Variants in TBC1D9 observed in about 807,000 individuals in gnomAD.
TBC1D9 encodes TBC1 domain family member 9, also known as TBC1 domain family member 9A.
Under a neutral mutation model 132.0 loss-of-function variants are expected in TBC1D9, and 63 were observed. The ratio of observed to expected loss-of-function variants is 0.48; its 90% CI spans 0.39 to 0.59. The LOEUF (loss-of-function observed/expected upper bound fraction) is 0.59. TBC1D9 is among the 20% of genes least tolerant of loss of function. TBC1D9 has a pLI of 0.00. For missense variants in TBC1D9, 1,261 were observed against 1,592.7 expected (o/e 0.79, Z 3.54); for synonymous variants, 610 against 609.9 (o/e 1.00, Z 0.00).
chr4:140,626,433 C>G (rs1020066562), intron 18 of TBC1D9, among the ~76,000 whole-genome samples: 1 of 152,188 alleles, frequency 6.6e-6, no homozygotes, highest in Non-Finnish European at 1.5e-5. Flanking sequence ...CTGGCTCACT[C>G]TCTCTACAGA....
intron 15 of TBC1D9, among the ~76,000 whole-genome samples, chr4:140,635,119 A>G (rs550689740): frequency 6.6e-6 from 1 of 152,322 alleles, no homozygotes; most frequent in East Asian, 1.9e-4. Context: ...CTTCGTTTTT[A>G]CTTTTTCCAT....
intron 2 of TBC1D9, among the ~76,000 whole-genome samples, chr4:140,687,378 ATATATATATAT>A (rs1215013545): frequency 1.4e-5 from 1 of 70,306 alleles, no homozygotes; most frequent in Admixed American, 1.2e-4. Flanking sequence ...ATATATATAT[ATATATATATAT>A]ATATATAAAC....
intron 1 of TBC1D9, among the ~76,000 whole-genome samples, chr4:140,748,717 A>T (rs1193282914): frequency 6.6e-6 from 1 of 152,218 alleles, no homozygotes; most frequent in African/African-American, 2.4e-5. Context: ...ATATCCTTCA[A>T]GAAAGAAAGC....
chr4:140,729,592 G>A (rs1309828663), intron 1 of TBC1D9, among the ~76,000 whole-genome samples: 2 of 152,028 alleles, frequency 1.3e-5, no homozygotes, highest in African/African-American at 4.8e-5. Flanking sequence ...GGGTAAGGCA[G>A]AAGGAGCATG....
At chr4:140,688,915 T>C (rs1180457362) in intron 2 of TBC1D9, among the ~76,000 whole-genome samples, 1 of 152,138 alleles carries the variant, frequency 6.6e-6, no homozygotes, top group Non-Finnish European at 1.5e-5. Context: ...TACAGAGCCC[T>C]TCCTTGTCTG....
Position 140,639,448 on chromosome 4 carries a change from G to T in TBC1D9, c.2338-20C>A. ...GAATTTCTGTAAAGGAGCAATATTG[G>T]TGTCTCTGAAAAAATCTCTTACAGC... is the stretch of plus-strand genomic sequence containing the variant. On this transcript the variant is annotated intron_variant, in intron 13 of 20. Coordinates refer to ENST00000442267, the MANE Select transcript of TBC1D9 (RefSeq NM_015130.3). 1 of 1,564,318 alleles carries T rather than the reference G, an allele frequency of 6.4e-7. No individual in the cohort carries two copies. The highest frequency in any genetic ancestry group is 8.8e-7 in the Non-Finnish European group (1 of 1,142,254).
At chr4:140,716,455 A>T (rs1738335689) in intron 1 of TBC1D9, among the ~76,000 whole-genome samples, 1 of 152,002 alleles carries the variant, frequency 6.6e-6, no homozygotes, top group African/African-American at 2.4e-5. Context: ...GTGCCCCTGT[A>T]CTCCAGCCTG....
chr4:140,701,473 A>G, intron 2 of TBC1D9, 31 bp downstream of exon 2: 1 of 1,564,950 alleles, frequency 6.4e-7, no homozygotes, highest in Non-Finnish European at 8.8e-7. Context: ...CTTCTTTTAA[A>G]ACTTGTGTAT....
In TBC1D9 at chr4:140,686,452, C is replaced by G; in HGVS notation, c.252G>C (p.Arg84Ser). 6.3e-7 allele frequency: 1 copy of G among 1,583,172 alleles called. No homozygotes were observed. The highest frequency in any genetic ancestry group is 8.7e-7 in the Non-Finnish European group (1 of 1,153,756). Residue 84 changes from arginine (R) to serine (S), a missense_variant, in exon 3 of 21, where the codon AGG (arginine) becomes AGC (serine). By Grantham distance (110) the Arg-to-Ser change is moderately radical. This residue lies in a region of TBC1D9 where 550 missense variants were observed against 699.0 expected (regional missense o/e 0.79). Coordinates refer to ENST00000442267, the MANE Select transcript of TBC1D9 (RefSeq NM_015130.3). The part of the protein sequence containing the change: ...VYWTIACGGS[R>S]KEITEHWEWL... Reference sequence around the variant, plus strand: ...ATTCCCAGTGTTCAGTGATTTCTTTCCTGGAACCACCTGTACAAATGAAAA... The same window carrying G: ...ATTCCCAGTGTTCAGTGATTTCTTTGCTGGAACCACCTGTACAAATGAAAA...
intron 1 of TBC1D9, among the ~76,000 whole-genome samples, chr4:140,711,971 T>A (rs1327394456): frequency 6.6e-6 from 1 of 152,222 alleles, no homozygotes; most frequent in Admixed American, 6.5e-5. Context: ...ACATTTATGA[T>A]GAGAAAACAA....
chr4:140,662,202 A>G, intron 9 of TBC1D9, 95 bp from the exon 10 acceptor site: 1 of 1,009,402 alleles, frequency 9.9e-7, no homozygotes, highest in Non-Finnish European at 1.6e-6. Context: ...TTACTTTCCT[A>G]CCTCTCAAAG....
intron 1 of TBC1D9, among the ~76,000 whole-genome samples, chr4:140,712,692 G>A (rs1335593641): frequency 4.0e-5 from 6 of 151,528 alleles, no homozygotes; most frequent in East Asian, 1.9e-4. Flanking sequence ...CAGTGAAGCC[G>A]AGATCACGCC....
intron 13 of TBC1D9, among the ~76,000 whole-genome samples, chr4:140,651,273 G>A (rs1367779438): frequency 6.6e-6 from 1 of 152,134 alleles, no homozygotes; most frequent in African/African-American, 2.4e-5. Flanking sequence ...GATGAGCCTG[G>A]CCAACATGGT....
chr4:140,636,776 A>G (rs546805748), intron 15 of TBC1D9, among the ~76,000 whole-genome samples: 9 of 152,276 alleles, frequency 5.9e-5, no homozygotes, highest in Admixed American at 3.3e-4. Context: ...GAGAAGATGA[A>G]TGAGAGCCAA....
At chr4:140,624,273 A>C (rs763673395) in intron 19 of TBC1D9, 41 bp downstream of exon 19, 19 of 1,611,914 alleles carry the variant, frequency 1.2e-5, no homozygotes, top group Non-Finnish European at 1.5e-5. Context: ...ACAAGTGTAC[A>C]ACCAGCAAGA....
intron 3 of TBC1D9, 66 bp downstream of exon 3, chr4:140,686,278 T>G (rs1737778072): frequency 1.9e-6 from 2 of 1,079,378 alleles, no homozygotes; most frequent in African/African-American, 1.6e-5. Context: ...TCAATTCTTA[T>G]TTTTACAACA....
intron 6 of TBC1D9, among the ~76,000 whole-genome samples, chr4:140,674,364 C>G (rs1737589403): frequency 6.6e-6 from 1 of 152,094 alleles, no homozygotes; most frequent in African/African-American, 2.4e-5. Context: ...ATTTTTCATT[C>G]TTTTTGATTC....
At chr4:140,660,911 T>G (rs1200593022) in intron 10 of TBC1D9, among the ~76,000 whole-genome samples, 1 of 121,118 alleles carries the variant, frequency 8.3e-6, no homozygotes, top group African/African-American at 3.0e-5. Flanking sequence ...TAGCCTTTGA[T>G]TCTTTCTTTT....
intron 1 of TBC1D9, among the ~76,000 whole-genome samples, chr4:140,713,337 G>A (rs978979326): frequency 5.9e-5 from 9 of 152,122 alleles, no homozygotes; most frequent in Non-Finnish European, 1.3e-4. Context: ...GCCACTCTGT[G>A]CTTATATTAA....
Sources: allele counts gnomAD v4.1 joint callset (sites outside exome capture counted in the v4.1 genomes callset), GRCh38; gene constraint gnomAD v4.1.1; regional missense constraint gnomAD v4.1.1; transcripts MANE v1.5; gene names NCBI Gene and HGNC (gene_info 2026-07-23, HGNC 2026-07-21).